The following CRHR1 variants were observed in gnomAD, a reference collection of about 807,000 sequenced individuals.
The protein encoded by CRHR1 is corticotropin-releasing hormone receptor 1.
Under a neutral mutation model 56.0 loss-of-function variants are expected in CRHR1, and 28 were observed. The ratio of observed to expected loss-of-function variants is 0.50; its 90% CI spans 0.37 to 0.69. The LOEUF is 0.69. CRHR1 is among the 30% of genes least tolerant of loss of function. CRHR1 has a pLI of 0.00. For synonymous variants in CRHR1, 195 were observed against 216.5 expected, an observed-to-expected ratio of 0.90 and a Z score of 0.87; for missense variants, 376 against 548.0, an observed-to-expected ratio of 0.69 and a Z score of 3.13.
rs375644278 is a variant in CRHR1 at position 45,788,385 on chromosome 17, CTG to C, written c.33+3812_33+3813del. Among the ~76,000 whole-genome samples, 327 of 152,296 alleles carry C rather than the reference CTG, an allele frequency of 2.1e-3. 2 individuals carry two copies. The highest frequency in any genetic ancestry group is 7.6e-3 in the African/African-American group (314 of 41,556). On this transcript the variant is annotated intron_variant, in intron 1 of 12. Coordinates refer to ENST00000314537, the MANE Select transcript of CRHR1 (RefSeq NM_004382.5). ...TATCTCTCATGTCTCTGTGAAAGGT[CTG>C]TGTTTTCAAATACTCCTTAGGGACA...
chr17:45,803,188 G>T (rs529984699), intron 1 of CRHR1, among the ~76,000 whole-genome samples: 1 of 152,276 alleles, frequency 6.6e-6, no homozygotes, highest in African/African-American at 2.4e-5. Flanking sequence ...TTGCAGACAT[G>T]AGAAGGATCC....
chr17:45,833,693 T>TGGGGGGGGGGGCCCCCCC, intron 10 of CRHR1, 21 bp from the exon 11 acceptor site: 2 of 1,571,610 alleles, frequency 1.3e-6, no homozygotes, highest in Non-Finnish European at 1.7e-6. Flanking sequence ...ACTCCGAGCC[T>TGGGGGGGGGGGCCCCCCC]CCCCACCCGC....
intron 3 of CRHR1, among the ~76,000 whole-genome samples, chr17:45,818,054 A>C (rs1211794523): frequency 6.6e-6 from 1 of 152,210 alleles, no homozygotes; most frequent in African/African-American, 2.4e-5. Context: ...GGAAGGAGGC[A>C]GCATCTGCAC....
chr17:45,807,138 C>G (rs1400065457), intron 2 of CRHR1, 41 bp downstream of exon 2: 1 of 1,561,086 alleles, frequency 6.4e-7, no homozygotes. Context: ...TCCTGGTCAC[C>G]ACAATGCCCC....
rs1444734185 is a variant in CRHR1 at position 45,830,124 on chromosome 17, C to G, written c.465C>G (p.His155Gln). 1.2e-6 allele frequency: 2 copies of G among 1,614,030 alleles called. No individual in the cohort carries two copies. Among genetic ancestry groups the G allele is most frequent in the Non-Finnish European group, 1.7e-6 (2 of 1,180,032 alleles). ...TCCGGTGCCTGCGAAACATCATCCA[C>G]TGGAACCTCATCTCCGCCTTCATCC... ...RSIRCLRNII[H>Q]WNLISAFILR... Residue 155 changes from histidine to glutamine, a missense_variant, in exon 6 of 13, where the codon CAC (histidine) becomes CAG (glutamine). This residue lies in a region of CRHR1 where 369 missense variants were observed against 519.5 expected (regional missense o/e 0.71). Coordinates refer to ENST00000314537, the MANE Select transcript of CRHR1 (RefSeq NM_004382.5).
Position 45,829,211 on chromosome 17 carries a change from C to G in CRHR1, c.328-4C>G. 5 of 1,612,684 alleles carry G rather than the reference C, an allele frequency of 3.1e-6. No homozygotes were observed. Among genetic ancestry groups the G allele is most frequent in the Non-Finnish European group, 4.2e-6 (5 of 1,179,136 alleles). On this transcript the variant is annotated splice_region_variant and splice_polypyrimidine_tract_variant and intron_variant, in intron 4 of 12. Transcript: ENST00000314537. Reference sequence around the variant, plus strand: ...CTCACCTCTGCCCCTCTCTCCTGCTCCAGAAAAAAAGCAAGGTGCACTACC... The same window carrying G: ...CTCACCTCTGCCCCTCTCTCCTGCTGCAGAAAAAAAGCAAGGTGCACTACC...
At chr17:45,803,887 G>T (rs986862434) in intron 1 of CRHR1, among the ~76,000 whole-genome samples, 1 of 152,198 alleles carries the variant, frequency 6.6e-6, no homozygotes, top group Non-Finnish European at 1.5e-5. Flanking sequence ...GGGGCCTCTG[G>T]CCCTAGCATC....
Position 45,829,248 on chromosome 17 carries a change from A to G in CRHR1, c.361A>G (p.Ile121Val). The change falls in exon 5 of 13, where the codon ATC (isoleucine) becomes GTC (valine). Residue 121 changes from isoleucine (I) to valine (V), a missense_variant. Transcript: ENST00000314537. ...KSKVHYHVAV[I>V]INYLGHCISL... ...CAAGGTGCACTACCATGTCGCAGTC[A>G]TCATCAACTACCTGGGCCACTGTAT... The G allele has an allele frequency of 6.2e-7, 1 of 1,614,088 alleles. No individual in the cohort carries two copies. Among genetic ancestry groups the G allele is most frequent in the African/African-American group, 1.3e-5 (1 of 75,058 alleles).
rs911300898 is a variant in CRHR1 at position 45,816,525 on chromosome 17, C to A, written c.184C>A (p.Gln62Lys). 1.9e-5 allele frequency: 30 copies of A among 1,614,046 alleles called. No individual in the cohort carries two copies. In the Admixed American group the frequency reaches 3.2e-4, roughly 17 times the overall value. Residue 62 changes from glutamine to lysine, a missense_variant, in exon 3 of 13, where the codon CAG (glutamine) becomes AAG (lysine). By Grantham distance (53) the Gln-to-Lys change is moderately conservative (BLOSUM62 1). Around this residue, in one of 2 missense-constraint regions of CRHR1, gnomAD observed 369 missense variants for 519.5 expected, o/e 0.71. Coordinates refer to ENST00000314537, the MANE Select transcript of CRHR1 (RefSeq NM_004382.5). ...CTGCTGGCCCCGCAGCCCTGCGGGG[C>A]AGCTAGTGGTTCGGCCCTGCCCTGC... ...GTCWPRSPAGQLVVRPCPAFF... is the reference protein window; with the variant it reads ...GTCWPRSPAGKLVVRPCPAFF...
chr17:45,830,998 T>A (rs776778957), intron 8 of CRHR1, 58 bp downstream of exon 8: 38 of 1,540,560 alleles, frequency 2.5e-5, no homozygotes, highest in Non-Finnish European at 3.3e-5. Flanking sequence ...CCCAGCTTGG[T>A]GACACTCCCC....
chr17:45,804,579 G>A (rs1026114018), intron 1 of CRHR1, among the ~76,000 whole-genome samples: 20 of 152,026 alleles, frequency 1.3e-4, no homozygotes, highest in African/African-American at 4.6e-4. Context: ...GAACATTCCC[G>A]GCAGGTGAAC....
chr17:45,793,108 CAGAT>C (rs779770050), intron 1 of CRHR1, among the ~76,000 whole-genome samples: 38 of 152,380 alleles, frequency 2.5e-4, no homozygotes, highest in Admixed American at 3.9e-4. Context: ...GCAAGCCAGA[CAGAT>C]AGGTCCCTCT....
intron 8 of CRHR1, among the ~76,000 whole-genome samples, chr17:45,831,371 T>C (rs983790571): frequency 1.3e-5 from 2 of 152,230 alleles, no homozygotes; most frequent in African/African-American, 4.8e-5. Flanking sequence ...GCTATATAAA[T>C]GTGTTCTATT....
In CRHR1 at chr17:45,798,528, G is replaced by GAAAAAAA. The variant is rs77104565; in HGVS notation, c.34-8471_34-8465dup. 7.1e-3 allele frequency among the ~76,000 whole-genome samples: 801 copies of GAAAAAAA among 113,466 alleles called. 12 individuals carry two copies. The highest frequency in any genetic ancestry group is 0.024 in the African/African-American group (693 of 29,326). The allele number at this position is 113,466 out of a possible 152,430, so 74.4% of individuals were successfully genotyped here. ...GCGACAAGGCGAGACTCCGTCTCGG[G>GAAAAAAA]AAAAAAAAAAAAAAAAAGCCAAACA... is the stretch of plus-strand genomic sequence containing the variant. On this transcript the variant is annotated intron_variant, in intron 1 of 12. Transcript: ENST00000314537.
rs535760411 is a variant in CRHR1, at chr17:45,834,858, G to C, written c.*94G>C. ...CCCTGCCTGTGGAGGTGACCTGTTA[G>C]GTCTCATGCCCACTCCCCCAGGAGC... On this transcript the variant is annotated 3_prime_UTR_variant, in exon 13 of 13. Transcript: ENST00000314537. The C allele has an allele frequency of 1.2e-4, 191 of 1,539,428 alleles. No homozygotes were observed. Among genetic ancestry groups the C allele is most frequent in the Middle Eastern group, 1.0e-3 (6 of 5,902 alleles).
chr17:45,790,396 C>T (rs908913615), intron 1 of CRHR1, among the ~76,000 whole-genome samples: 1 of 152,158 alleles, frequency 6.6e-6, no homozygotes, highest in African/African-American at 2.4e-5. Flanking sequence ...ATGAAACAGG[C>T]ATGTCAGAAT....
chr17:45,817,325 TACC>T, intron 3 of CRHR1, among the ~76,000 whole-genome samples: 1 of 152,346 alleles, frequency 6.6e-6, no homozygotes, highest in South Asian at 2.1e-4. Flanking sequence ...AGCCCTAACC[TACC>T]TGAGGGGAGG....
intron 4 of CRHR1, among the ~76,000 whole-genome samples, chr17:45,823,563 A>G (rs186271943): frequency 6.6e-6 from 1 of 152,198 alleles, no homozygotes; most frequent in Non-Finnish European, 1.5e-5. Flanking sequence ...ATGCACCACC[A>G]TGCTGGGCTA....
At chr17:45,822,185 G>C (rs1213259177) in intron 4 of CRHR1, among the ~76,000 whole-genome samples, 1 of 152,192 alleles carries the variant, frequency 6.6e-6, no homozygotes, top group Admixed American at 6.5e-5. Flanking sequence ...TTCCATATCA[G>C]TACATAAAGA....
Sources: allele counts gnomAD v4.1 joint callset (sites outside exome capture counted in the v4.1 genomes callset), GRCh38; gene constraint gnomAD v4.1.1; regional missense constraint gnomAD v4.1.1; transcripts MANE v1.5; gene names NCBI Gene and HGNC (gene_info 2026-07-23, HGNC 2026-07-21).